The following SNAPC4 variants were observed in gnomAD, a reference collection of about 807,000 sequenced individuals.
SNAPC4 encodes the protein small nuclear RNA activating complex polypeptide 4, also known as snRNA-activating protein complex subunit 4.
SNAPC4 carries 127 observed loss-of-function variants against 151.3 expected under a neutral mutation model. The observed-to-expected ratio is 0.84, with a 90% CI of 0.73 to 0.97. The LOEUF is 0.97. SNAPC4 is among the 50% of genes least tolerant of loss of function. The probability of loss-of-function intolerance (pLI) is 0.00; values close to 1 mark genes in which losing one functional copy is unlikely to be tolerated. For synonymous variants in SNAPC4, 1,002 were observed against 824.4 expected, an observed-to-expected ratio of 1.22 and a Z score of -3.69; for missense variants, 2,186 against 1,935.0, an observed-to-expected ratio of 1.13 and a Z score of -2.43.
intron 23 of SNAPC4, among the ~76,000 whole-genome samples, chr9:136,376,137 T>G (rs1160317897): frequency 6.6e-6 from 1 of 152,146 alleles, no homozygotes; most frequent in Non-Finnish European, 1.5e-5. Context: ...GGCACAGTGG[T>G]GCCAAGGCCC....
In SNAPC4 at chr9:136,394,313, C is replaced by T; in HGVS notation, c.568G>A (p.Ala190Thr). The change falls in exon 7 of 24, where the codon GCC (alanine) becomes ACC (threonine). Residue 190 changes from alanine to threonine, a missense_variant. By Grantham distance (58) the Ala-to-Thr change is moderately conservative. Transcript: ENST00000684778. ...LVTKWKNWEK[A>T]LLRKSVVSDR... is the part of the protein sequence containing the mutation. The stretch of plus-strand genomic sequence containing the variant: ...CTCACCACTGACTTTCGGAGCAAGG[C>T]CTTTTCCCAGTTTTTCCCTGAGGAG... 3 of 1,613,878 alleles carry T rather than the reference C, an allele frequency of 1.9e-6. No individual in the cohort carries two copies. Among genetic ancestry groups the T allele is most frequent in the Non-Finnish European group, 1.7e-6 (2 of 1,179,958 alleles).
In SNAPC4 at chr9:136,382,112, C is replaced by T. The variant is rs886857392; in HGVS notation, c.2068-39G>A. The T allele has an allele frequency of 3.2e-6, 5 of 1,560,510 alleles. No homozygotes were observed. In the Admixed American group the frequency reaches 9.3e-5, roughly 29 times the overall value. ...GCAGCACCTGGGGCCCATGGCCAGG[C>T]TCGGCCCCCGGAGTGGACCCTGCCC... On this transcript the variant is annotated intron_variant, in intron 17 of 23. Coordinates refer to ENST00000684778, the MANE Select transcript of SNAPC4 (RefSeq NM_003086.4).
chr9:136,382,003 C>G lies in SNAPC4; in HGVS notation c.2138G>C (p.Arg713Pro), dbSNP rs759015447. Residue 713 changes from arginine to proline, a missense_variant, in exon 18 of 24, where the codon CGA becomes CCA. By Grantham distance (103) the Arg-to-Pro change is moderately radical (BLOSUM62 -2). Coordinates refer to ENST00000684778, the MANE Select transcript of SNAPC4 (RefSeq NM_003086.4). The part of the protein sequence containing the change: ...PGVSSGDSVA[R>P]SHVQWLRHRA... ...GTGCCGTAGCCACTGCACATGGGATCGGGCCACGCTGTCACCAGAGCTGAC... is the reference window on the plus strand; with the variant it reads ...GTGCCGTAGCCACTGCACATGGGATGGGGCCACGCTGTCACCAGAGCTGAC... 6.2e-7 allele frequency: 1 copy of G among 1,610,024 alleles called. No homozygotes were observed. The highest frequency in any genetic ancestry group is 1.1e-5 in the South Asian group (1 of 90,672).
Position 136,387,695 on chromosome 9 carries a change from G to A in SNAPC4, c.1230+47C>T, listed in dbSNP as rs571265751. 4.2e-5 allele frequency: 60 copies of A among 1,415,004 alleles called. 1 individual carries two copies. In the South Asian group the frequency reaches 5.4e-4, roughly 13 times the overall value. The allele number at this position is 1,415,004 out of a possible 1,614,324, so 87.7% of individuals were successfully genotyped here. A position where few individuals can be genotyped will look rare whatever the true frequency, so the allele number is the denominator to read the frequency against. The stretch of plus-strand genomic sequence containing the variant: ...GGCACAGCAGCCGCTGAACACAGCC[G>A]CGTTACCTTCCCAGAGCCCAGTTCT... On this transcript the variant is annotated intron_variant, in intron 12 of 23. Transcript: ENST00000684778.
chr9:136,377,905 G>A lies in SNAPC4; in HGVS notation c.3922C>T (p.Leu1308=). 6.2e-7 allele frequency: 1 copy of A among 1,610,976 alleles called. No homozygotes were observed. Among genetic ancestry groups the A allele is most frequent in the Non-Finnish European group, 8.5e-7 (1 of 1,179,590 alleles). ...CCGGACAGAGCTCGCAGGCTGCACA[G>A]GGCTGGGGGCTGATAGGGCAGTCTG... ...GSRLPYQPPA[L]CSLRALSGLL... Residue 1308 remains leucine (L), a synonymous_variant, in exon 22 of 24, where the codon CTG becomes TTG. Transcript: ENST00000684778.
At position 136,395,358 on chromosome 9, in the gene SNAPC4, G is replaced by T. The variant is rs771222728; in HGVS notation, c.411C>A (p.Pro137=). The change falls in exon 5 of 24, where the codon CCC becomes CCA. Residue 137 remains proline, a synonymous_variant. Coordinates refer to ENST00000684778, the MANE Select transcript of SNAPC4 (RefSeq NM_003086.4). The part of the protein sequence containing the change: ...GTKVKDGKSL[P]PSTYMGHFMK... ...TGAAGTGCCCCATGTATGTGCTTGGGGGCAGGCTTTTGCCATCTTTCACCT... is the reference window on the plus strand; with the variant it reads ...TGAAGTGCCCCATGTATGTGCTTGGTGGCAGGCTTTTGCCATCTTTCACCT... 2.5e-6 allele frequency: 4 copies of T among 1,613,676 alleles called. No homozygotes were observed. The highest frequency in any genetic ancestry group is 2.2e-5 in the East Asian group (1 of 44,886).
In SNAPC4 at chr9:136,381,852, G is replaced by A. The variant is rs1833704849; in HGVS notation, c.2289C>T (p.Ser763=). 2.5e-6 allele frequency: 4 copies of A among 1,611,328 alleles called. No individual in the cohort carries two copies. Among genetic ancestry groups the A allele is most frequent in the Non-Finnish European group, 3.4e-6 (4 of 1,179,250 alleles). Residue 763 remains serine, a synonymous_variant, in exon 18 of 24, where the codon TCC becomes TCT. Coordinates refer to ENST00000684778, the MANE Select transcript of SNAPC4 (RefSeq NM_003086.4). ...GAGTCTGCACTACGGCGGGTCTCTG[G>A]GAAGCCTGTGTGCAGGGCACGACAA... The part of the protein sequence containing the change: ...GDVVVPCTQA[S]QRPAVVQTQA...
In SNAPC4 at chr9:136,395,767, C is replaced by A. The variant is rs1043866378; in HGVS notation, c.181G>T (p.Glu61Ter). 1.9e-6 allele frequency: 3 copies of A among 1,609,502 alleles called. No individual in the cohort carries two copies. The highest frequency in any genetic ancestry group is 1.1e-5 in the South Asian group (1 of 90,960). ...LDPADPPISEEERWGEASNDE... is the reference protein window; with the variant it reads ...LDPADPPISE ...TTGCTGGCTTCGCCCCACCTTTCTT[C>A]TTCCTGGTAACGAGCCAGAAATGGC... The change falls in exon 4 of 24, where the codon GAA becomes TAA. Residue 61 changes from glutamate to a stop codon, truncating the protein, a stop_gained. Transcript: ENST00000684778. LOFTEE classifies it high-confidence loss of function.
intron 1 of SNAPC4, among the ~76,000 whole-genome samples, chr9:136,399,329 T>TC (rs1834375628): frequency 6.6e-6 from 1 of 152,132 alleles, no homozygotes; most frequent in Non-Finnish European, 1.5e-5. Context: ...CCAGGTCCCC[T>TC]CACTCCTTCA....
chr9:136,388,834 AG>A (rs3841199), intron 10 of SNAPC4, among the ~76,000 whole-genome samples: 22,710 of 152,272 alleles, frequency 0.15, 1,819 homozygotes, highest in East Asian at 0.25. Context: ...CCTTCACTTA[AG>A]AAAATATTAA....
intron 2 of SNAPC4, 76 bp downstream of exon 2, chr9:136,398,223 T>A: frequency 1.3e-6 from 2 of 1,490,502 alleles, no homozygotes; most frequent in Middle Eastern, 2.3e-4. Context: ...CACTCCCTAA[T>A]GTGCCTGAGA....
chr9:136,387,357 G>C, intron 13 of SNAPC4, 128 bp downstream of exon 13: 1 of 747,090 alleles, frequency 1.3e-6, no homozygotes, highest in Non-Finnish European at 2.4e-6. Flanking sequence ...CCTGGTCAGC[G>C]ACCCACACGG....
chr9:136,382,368 C>T (rs374174279), intron 16 of SNAPC4, 32 bp from the exon 17 acceptor site: 8 of 1,585,934 alleles, frequency 5.0e-6, no homozygotes, highest in East Asian at 2.2e-5. Context: ...GCGAGGCACG[C>T]GGGGTGTACG....
chr9:136,378,286 C>A lies in SNAPC4; in HGVS notation c.3541G>T (p.Ala1181Ser). The change falls in exon 22 of 24, where the codon GCC (alanine) becomes TCC (serine). Residue 1181 changes from alanine to serine, a missense_variant. Coordinates refer to ENST00000684778, the MANE Select transcript of SNAPC4 (RefSeq NM_003086.4). ...GTCCTGGGCTCAGGTATCTCCCTGG[C>A]CACCTGGGCCTCTCCAGGGACAAAG... ...VAFVPGEAQV[A>S]REIPEPRTSS... The A allele has an allele frequency of 1.2e-6, 2 of 1,604,804 alleles. No homozygotes were observed. Among genetic ancestry groups the A allele is most frequent in the Admixed American group, 1.7e-5 (1 of 58,544 alleles).
At position 136,382,240 on chromosome 9, in the gene SNAPC4, C is replaced by T; in HGVS notation, c.2067+13G>A. 6.2e-7 allele frequency: 1 copy of T among 1,611,798 alleles called. No homozygotes were observed. Among genetic ancestry groups the T allele is most frequent in the Non-Finnish European group, 8.5e-7 (1 of 1,179,576 alleles). On this transcript the variant is annotated intron_variant, in intron 17 of 23. Transcript: ENST00000684778. ...GTGGTGGCGTGCGCGTGGGTGTCTG[C>T]AGCAGGCCTCACCTGTGTGCAGCTC...
At chr9:136,391,026 G>T (rs1316215573) in intron 10 of SNAPC4, among the ~76,000 whole-genome samples, 1 of 152,164 alleles carries the variant, frequency 6.6e-6, no homozygotes, top group Admixed American at 6.5e-5. Context: ...TAGAGACGGG[G>T]TTTCTCCATG....
Position 136,378,057 on chromosome 9 carries a change from G to C in SNAPC4, c.3770C>G (p.Pro1257Arg), listed in dbSNP as rs774379369. 3 of 1,575,412 alleles carry C rather than the reference G, an allele frequency of 1.9e-6. No individual in the cohort carries two copies. Among genetic ancestry groups the C allele is most frequent in the South Asian group, 2.3e-5 (2 of 87,478 alleles). ...CTCAGGCCCAGGCTGGGGTAGGGGCGGCTTCTCCAGGTCCAGGGCCCCCTT... is the reference window on the plus strand; with the variant it reads ...CTCAGGCCCAGGCTGGGGTAGGGGCCGCTTCTCCAGGTCCAGGGCCCCCTT... ...PEKGALDLEK[P>R]PLPQPGPEKG... The change falls in exon 22 of 24, where the codon CCG becomes CGG. Residue 1257 changes from proline to arginine, a missense_variant. By Grantham distance (103) the Pro-to-Arg change is moderately radical (BLOSUM62 -2). Coordinates refer to ENST00000684778, the MANE Select transcript of SNAPC4 (RefSeq NM_003086.4).
intron 3 of SNAPC4, among the ~76,000 whole-genome samples, chr9:136,396,502 G>A (rs372123714): frequency 8.4e-4 from 128 of 152,100 alleles, no homozygotes; most frequent in South Asian, 2.5e-3. Context: ...CTGGAGCCTC[G>A]GCCTCCTGGG....
In SNAPC4 at chr9:136,378,461, G is replaced by C; in HGVS notation, c.3366C>G (p.Ala1122=). 6.3e-7 allele frequency: 1 copy of C among 1,588,826 alleles called. No individual in the cohort carries two copies. Among genetic ancestry groups the C allele is most frequent in the Admixed American group, 1.7e-5 (1 of 58,622 alleles). Residue 1122 remains alanine (A), a synonymous_variant, in exon 22 of 24, where the codon GCC becomes GCG. Coordinates refer to ENST00000684778, the MANE Select transcript of SNAPC4 (RefSeq NM_003086.4). ...TCAACGCTGGGGCCCTGGGGCCCTG[G>C]GCCGCCCGAGTCTCAGTCAGGGGAG... ...LLPPLTETRA[A]QGPRAPALSS...
Sources: allele counts gnomAD v4.1 joint callset (sites outside exome capture counted in the v4.1 genomes callset), GRCh38; gene constraint gnomAD v4.1.1; transcripts MANE v1.5; gene names NCBI Gene and HGNC (gene_info 2026-07-23, HGNC 2026-07-21).